FGGY: variants seen among roughly 807,000 people sequenced by gnomAD.
FGGY encodes FGGY carbohydrate kinase domain containing, also known as FGGY carbohydrate kinase domain-containing protein.
A neutral mutation model predicts 71.3 loss-of-function variants in FGGY; 72 were observed. That is an observed-to-expected ratio of 1.01 (90% confidence interval 0.84 to 1.23). The LOEUF (loss-of-function observed/expected upper bound fraction) is 1.23. Among genes scored for constraint, FGGY ranks in the 50% most tolerant of loss-of-function variants. FGGY has a pLI of 0.00. For missense variants in FGGY, 668 were observed against 682.3 expected, an observed-to-expected ratio of 0.98 and a Z score of 0.23; for synonymous variants, 251 against 250.3, an observed-to-expected ratio of 1.00 and a Z score of -0.02.
chr1:59,546,935 G>A (rs2095535724), intron 7 of FGGY, among the ~76,000 whole-genome samples: 1 of 150,396 alleles, frequency 6.6e-6, no homozygotes, highest in African/African-American at 2.5e-5. Flanking sequence ...TGAAACATTG[G>A]GATTACCTTT....
At chr1:59,518,763 A>C (rs2094734705) in intron 7 of FGGY, among the ~76,000 whole-genome samples, 1 of 152,206 alleles carries the variant, frequency 6.6e-6, no homozygotes, top group African/African-American at 2.4e-5. Context: ...AGGCCTCCCC[A>C]GAAGCCGAGC....
intron 6 of FGGY, among the ~76,000 whole-genome samples, chr1:59,468,997 T>C (rs2092797886): frequency 6.6e-6 from 1 of 152,134 alleles, no homozygotes; most frequent in South Asian, 2.1e-4. Context: ...TTGGTCACAC[T>C]GAATCAAAGT....
chr1:59,352,185 T>C (rs77789555), intron 4 of FGGY, among the ~76,000 whole-genome samples: 97 of 152,300 alleles, frequency 6.4e-4, no homozygotes, highest in African/African-American at 2.3e-3. Context: ...CTTGAGCAGC[T>C]GGGGTCTCCT....
At chr1:59,346,701 C>T (rs142884981) in intron 4 of FGGY, among the ~76,000 whole-genome samples, 21 of 152,136 alleles carry the variant, frequency 1.4e-4, no homozygotes, top group African/African-American at 4.1e-4. Context: ...GACAAGAAAA[C>T]GAATGTTCAT....
In FGGY at chr1:59,745,991, G is replaced by A. The variant is rs140713554; in HGVS notation, c.1513-11940G>A. Among the ~76,000 whole-genome samples, 67 of 152,294 alleles carry A rather than the reference G, an allele frequency of 4.4e-4. 1 individual carries two copies. The highest frequency in any genetic ancestry group is 1.4e-3 in the African/African-American group (60 of 41,554). On this transcript the variant is annotated intron_variant, in intron 14 of 15. Coordinates refer to ENST00000303721, the MANE Select transcript of FGGY (RefSeq NM_018291.5). ...GGCTGTGGGAGTATTGAAGTGAAATGGAGATGAAGGTCCCGGAGGTGGAAA... is the reference window on the plus strand; with the variant it reads ...GGCTGTGGGAGTATTGAAGTGAAATAGAGATGAAGGTCCCGGAGGTGGAAA...
chr1:59,456,939 T>G, intron 5 of FGGY, 22 bp from the exon 6 acceptor site: 1 of 1,563,722 alleles, frequency 6.4e-7, no homozygotes, highest in Non-Finnish European at 8.8e-7. Context: ...CAGTTCTATC[T>G]ATATCTCTTC....
chr1:59,459,154 G>A lies in FGGY; in HGVS notation c.670+2078G>A, dbSNP rs113804690. ...TCCTGGGCCCATGCAGTAAATAAATGCTTTCCCTGAAAACTGAACACCTCA... is the reference window on the plus strand; with the variant it reads ...TCCTGGGCCCATGCAGTAAATAAATACTTTCCCTGAAAACTGAACACCTCA... On this transcript the variant is annotated intron_variant, in intron 6 of 15. Transcript: ENST00000303721. 5.3e-3 allele frequency among the ~76,000 whole-genome samples: 809 copies of A among 152,254 alleles called. 10 individuals carry two copies. The highest frequency in any genetic ancestry group is 7.1e-3 in the Non-Finnish European group (484 of 68,030).
chr1:59,670,018 C>T (rs915047077), intron 13 of FGGY, among the ~76,000 whole-genome samples: 5 of 152,236 alleles, frequency 3.3e-5, no homozygotes, highest in East Asian at 3.9e-4. Flanking sequence ...ATTTGGATTC[C>T]GATTGAAACT....
rs2030481 is a variant in FGGY, at chr1:59,441,172, G to A, written c.555-15789G>A. Among the ~76,000 whole-genome samples the A allele has an allele frequency of 2.8e-3, 433 of 152,132 alleles. 2 individuals carry two copies. Among genetic ancestry groups the A allele is most frequent in the Non-Finnish European group, 4.1e-3 (280 of 68,020 alleles). On this transcript the variant is annotated intron_variant, in intron 5 of 15. Coordinates refer to ENST00000303721, the MANE Select transcript of FGGY (RefSeq NM_018291.5). ...CCCATCTACTCTCTGAGCTAATCAA[G>A]GGAGAAGACCTAGTACTCACGTCTA... is the stretch of plus-strand genomic sequence containing the variant.
At chr1:59,397,767 C>T (rs538977711) in intron 5 of FGGY, among the ~76,000 whole-genome samples, 32 of 152,296 alleles carry the variant, frequency 2.1e-4, no homozygotes, top group African/African-American at 5.3e-4. Context: ...TCAGCTTACA[C>T]GGGACAGCAT....
intron 4 of FGGY, among the ~76,000 whole-genome samples, chr1:59,357,801 T>C (rs78482919): frequency 0.025 from 3,828 of 152,306 alleles, 184 homozygotes; most frequent in African/African-American, 0.088. Flanking sequence ...AGCCAGGAGC[T>C]AGCCATGTGA....
chr1:59,602,626 A>G (rs528800740), intron 8 of FGGY, among the ~76,000 whole-genome samples: 1 of 152,346 alleles, frequency 6.6e-6, no homozygotes, highest in South Asian at 2.1e-4. Flanking sequence ...AAATGTGTTT[A>G]CAGCTTCATG....
chr1:59,693,867 T>G (rs2154006228), intron 14 of FGGY, among the ~76,000 whole-genome samples: 1 of 151,556 alleles, frequency 6.6e-6, no homozygotes, highest in Non-Finnish European at 1.5e-5. Context: ...ATTAGCTGGA[T>G]GTGGTGGTGT....
intron 14 of FGGY, among the ~76,000 whole-genome samples, chr1:59,742,337 C>G (rs184062396): frequency 2.2e-4 from 33 of 152,330 alleles, no homozygotes; most frequent in Middle Eastern, 3.4e-3. Flanking sequence ...GCTTTTCAAC[C>G]CCTACTCAGC....
chr1:59,484,009 AC>A (rs537617069), intron 6 of FGGY, among the ~76,000 whole-genome samples: 167 of 152,284 alleles, frequency 1.1e-3, no homozygotes, highest in South Asian at 5.2e-3. Context: ...TATGCCAGGG[AC>A]TGTCGCCAAA....
chr1:59,357,511 G>T (rs1371695697), intron 4 of FGGY, among the ~76,000 whole-genome samples: 1 of 152,128 alleles, frequency 6.6e-6, no homozygotes, highest in African/African-American at 2.4e-5. Context: ...ATCAAATCTT[G>T]GTGAAGGTCC....
At chr1:59,562,304 G>A (rs2095804306) in intron 8 of FGGY, among the ~76,000 whole-genome samples, 1 of 152,114 alleles carries the variant, frequency 6.6e-6, no homozygotes, top group Non-Finnish European at 1.5e-5. Flanking sequence ...CAGTAAAAGG[G>A]AATGAACCAT....
intron 1 of FGGY, among the ~76,000 whole-genome samples, chr1:59,320,651 G>T (rs756743000): frequency 6.6e-5 from 10 of 152,210 alleles, no homozygotes; most frequent in Non-Finnish European, 1.5e-4. Flanking sequence ...AAGGAAAACA[G>T]ATTGTCTAAC....
intron 1 of FGGY, among the ~76,000 whole-genome samples, chr1:59,299,089 G>T (rs1020194822): frequency 2.6e-5 from 4 of 152,198 alleles, no homozygotes; most frequent in Non-Finnish European, 5.9e-5. Context: ...TGAGAGAAGG[G>T]CAAATGGCTC....
Sources: gnomAD v4.1 joint callset for allele counts (sites outside exome capture counted in the v4.1 genomes callset) on GRCh38, gnomAD v4.1.1 for gene constraint, MANE v1.5 for transcripts, NCBI Gene and HGNC (gene_info 2026-07-23, HGNC 2026-07-21) for gene names.